KHDRBS2: variants seen among roughly 807,000 people sequenced by gnomAD.
KHDRBS2 encodes KH domain-containing, RNA-binding, signal transduction-associated protein 2.
KHDRBS2 carries 26 observed loss-of-function variants against 44.3 expected under a neutral mutation model. The observed-to-expected ratio is 0.59, with a 90% CI of 0.43 to 0.81. The LOEUF is 0.81. KHDRBS2 is among the 40% of genes least tolerant of loss of function. The pLI is 0.00. For synonymous variants in KHDRBS2, 194 were observed against 151.1 expected (o/e 1.28, Z -2.08); for missense variants, 476 against 433.1 (o/e 1.10, Z -0.88).
intron 6 of KHDRBS2, among the ~76,000 whole-genome samples, chr6:61,756,264 A>T (rs997217461): frequency 3.3e-5 from 5 of 149,694 alleles, no homozygotes; most frequent in East Asian, 2.0e-4. Flanking sequence ...TAATTAATTT[A>T]TTTTTTTTTT....
intron 6 of KHDRBS2, among the ~76,000 whole-genome samples, chr6:61,892,551 G>A (rs1251279084): frequency 6.6e-6 from 1 of 152,140 alleles, no homozygotes; most frequent in East Asian, 1.9e-4. Context: ...TACCAAAACA[G>A]AGATACAGAC....
the KHDRBS2 span, among the ~76,000 whole-genome samples, chr6:61,655,759 G>C: frequency 6.6e-6 from 1 of 152,002 alleles, no homozygotes; most frequent in Non-Finnish European, 1.5e-5. Context: ...CTACATGTAA[G>C]ATTTTTTATT....
chr6:61,864,186 T>G (rs1223764324), intron 6 of KHDRBS2, among the ~76,000 whole-genome samples: 1 of 152,164 alleles, frequency 6.6e-6, no homozygotes, highest in African/African-American at 2.4e-5. Context: ...ATGAGATGGG[T>G]CTCTTGAAGA....
the KHDRBS2 span, among the ~76,000 whole-genome samples, chr6:61,618,706 A>C: frequency 2.0e-5 from 3 of 152,110 alleles, no homozygotes; most frequent in African/African-American, 7.2e-5. Flanking sequence ...TCCCACTTCT[A>C]AGTGAGAACA....
intron 1 of KHDRBS2, among the ~76,000 whole-genome samples, chr6:62,273,416 AC>A (rs941688670): frequency 1.5e-4 from 23 of 152,100 alleles, no homozygotes; most frequent in African/African-American, 5.6e-4. Context: ...TCCTTGTCTT[AC>A]TTGATCTACT....
intron 1 of KHDRBS2, among the ~76,000 whole-genome samples, chr6:62,263,627 G>A (rs1467967487): frequency 2.6e-5 from 4 of 151,598 alleles, no homozygotes; most frequent in Admixed American, 6.6e-5. Flanking sequence ...AGGAAAATCT[G>A]AGCATCTCTT....
chr6:61,979,206 C>T (rs1773350051), intron 3 of KHDRBS2, among the ~76,000 whole-genome samples: 2 of 152,044 alleles, frequency 1.3e-5, no homozygotes, highest in South Asian at 2.1e-4. Flanking sequence ...AATTCAGATC[C>T]AGACCCAGTT....
the KHDRBS2 span, among the ~76,000 whole-genome samples, chr6:61,653,344 C>A: frequency 1.3e-5 from 2 of 152,036 alleles, no homozygotes; most frequent in Admixed American, 6.6e-5. Context: ...CACTAGGCAT[C>A]TTCTGAAATA....
chr6:62,208,748 C>G (rs924363094), intron 1 of KHDRBS2, among the ~76,000 whole-genome samples: 5 of 152,128 alleles, frequency 3.3e-5, no homozygotes, highest in African/African-American at 1.2e-4. Context: ...CATTTGTTAT[C>G]TCTTGTCATT....
At chr6:62,131,877 TG>T (rs1346263903) in intron 2 of KHDRBS2, among the ~76,000 whole-genome samples, 1 of 152,200 alleles carries the variant, frequency 6.6e-6, no homozygotes, top group Non-Finnish European at 1.5e-5. Context: ...ATACTTTTTT[TG>T]TTGGGATGTG....
At chr6:61,656,209 G>A in the KHDRBS2 span, among the ~76,000 whole-genome samples, 1 of 151,954 alleles carries the variant, frequency 6.6e-6, no homozygotes, top group Non-Finnish European at 1.5e-5. Context: ...ACTGAATTTA[G>A]GCAGTCTTTT....
Position 62,007,127 on chromosome 6 carries a change from C to G in KHDRBS2, c.337-28915G>C, listed in dbSNP as rs1779388887. ...TATAACCACAAGGGTTGGGAAGGCT[C>G]GTCAAACAAAAAGCTAAAGAAAAAC... On this transcript the variant is annotated intron_variant, in intron 3 of 8. Transcript: ENST00000281156. Among the ~76,000 whole-genome samples the G allele has an allele frequency of 3.3e-5, 5 of 152,064 alleles. No homozygotes were observed. In the South Asian group the frequency reaches 6.2e-4, roughly 19 times the overall value.
chr6:61,762,400 G>A (rs1779396445), intron 6 of KHDRBS2, among the ~76,000 whole-genome samples: 1 of 152,202 alleles, frequency 6.6e-6, no homozygotes, highest in South Asian at 2.1e-4. Context: ...CATCCACAAT[G>A]TTGGAGATAG....
At chr6:62,056,438 C>G (rs1030330267) in intron 2 of KHDRBS2, among the ~76,000 whole-genome samples, 1 of 151,818 alleles carries the variant, frequency 6.6e-6, no homozygotes, top group Non-Finnish European at 1.5e-5. Context: ...AATCCATGAT[C>G]TTGGTAATCT....
At chr6:62,072,165 T>A (rs544200199) in intron 2 of KHDRBS2, among the ~76,000 whole-genome samples, 164 of 152,148 alleles carry the variant, frequency 1.1e-3, no homozygotes, top group African/African-American at 3.8e-3. Context: ...TGTATAAGAG[T>A]GCTTGTGATT....
At chr6:61,643,957 T>C in the KHDRBS2 span, among the ~76,000 whole-genome samples, 2 of 152,150 alleles carry the variant, frequency 1.3e-5, no homozygotes, top group South Asian at 4.1e-4. Context: ...AACATTATTT[T>C]AAAATTTATA....
At chr6:61,880,142 A>T (rs1339864794) in intron 6 of KHDRBS2, among the ~76,000 whole-genome samples, 1 of 151,910 alleles carries the variant, frequency 6.6e-6, no homozygotes, top group Non-Finnish European at 1.5e-5. Context: ...ATAAGAAGAG[A>T]GGTACTCCGA....
the KHDRBS2 span, among the ~76,000 whole-genome samples, chr6:61,639,641 A>T: frequency 6.6e-6 from 1 of 151,876 alleles, no homozygotes; most frequent in Non-Finnish European, 1.5e-5. Flanking sequence ...GTGCATTTTT[A>T]TTTTTCCTTT....
At chr6:62,061,200 A>G (rs1415688497) in intron 2 of KHDRBS2, among the ~76,000 whole-genome samples, 3 of 150,888 alleles carry the variant, frequency 2.0e-5, no homozygotes, top group Non-Finnish European at 3.0e-5. Context: ...TTATGTGTGA[A>G]TTTGATCCTG....
Sources: gnomAD v4.1 joint callset for allele counts (sites outside exome capture counted in the v4.1 genomes callset) on GRCh38, gnomAD v4.1.1 for gene constraint, MANE v1.5 for transcripts, NCBI Gene and HGNC (gene_info 2026-07-23, HGNC 2026-07-21) for gene names.